BTF3L4: variants seen among roughly 807,000 people sequenced by gnomAD.
The protein encoded by BTF3L4 is transcription factor BTF3 homolog 4.
Under a neutral mutation model 16.8 loss-of-function variants are expected in BTF3L4, and 6 were observed. The ratio of observed to expected loss-of-function variants is 0.36; its 90% confidence interval spans 0.20 to 0.71. The LOEUF (loss-of-function observed/expected upper bound fraction) is 0.71, where lower values mean the gene tolerates loss of function less well. Among genes scored for constraint, BTF3L4 ranks in the 30% least tolerant of loss-of-function variants. The pLI, the probability that BTF3L4 is intolerant of heterozygous loss-of-function variation, is 0.58. For missense variants in BTF3L4, 92 were observed against 186.9 expected (o/e 0.49, Z 2.96); for synonymous variants, 39 against 59.8 (o/e 0.65, Z 1.60).
intron 3 of BTF3L4, among the ~76,000 whole-genome samples, chr1:52,081,385 A>G (rs1373591431): frequency 6.6e-6 from 1 of 152,118 alleles, no homozygotes; most frequent in East Asian, 1.9e-4. Flanking sequence ...TGGCCTCCCA[A>G]AGTGCTAGGA....
intron 4 of BTF3L4, among the ~76,000 whole-genome samples, chr1:52,084,675 A>G (rs1176105607): frequency 6.6e-6 from 1 of 151,836 alleles, no homozygotes; most frequent in African/African-American, 2.4e-5. Flanking sequence ...GCCTGTAGTC[A>G]TAGCTACTCA....
rs1355923291 is a variant in BTF3L4, at chr1:52,080,526, T to G, written c.169-2814T>G. On this transcript the variant is annotated intron_variant, in intron 3 of 5. Transcript: ENST00000313334. ...AAATCTTTGGTTTTTTGGGTTTTTT[T>G]TTTTTTTTTTTTTTTTTTTTTTTTT... Among the ~76,000 whole-genome samples the G allele has an allele frequency of 7.2e-4, 78 of 108,642 alleles. 2 individuals carry two copies. The highest frequency in any genetic ancestry group is 2.6e-3 in the African/African-American group (69 of 26,164). 71.3% of individuals were successfully genotyped at this position (108,642 alleles called of 152,430 possible).
chr1:52,076,362 T>C (rs897783512), intron 3 of BTF3L4, among the ~76,000 whole-genome samples: 2 of 151,846 alleles, frequency 1.3e-5, no homozygotes, highest in Admixed American at 6.6e-5. Flanking sequence ...GATCACGATG[T>C]CAGGAGTTCG....
intron 3 of BTF3L4, among the ~76,000 whole-genome samples, chr1:52,072,141 G>A (rs1360167207): frequency 6.6e-6 from 1 of 150,680 alleles, no homozygotes; most frequent in East Asian, 1.9e-4. Context: ...TGCAAGCTCC[G>A]CCTCCTGTGT....
chr1:52,071,460 A>T (rs1686784625), intron 3 of BTF3L4: 1 of 152,222 alleles, frequency 6.6e-6, no homozygotes. Flanking sequence ...TCAGTAGCTT[A>T]TAAAGAGTCT....
chr1:52,070,294 A>G (rs1344313084), intron 3 of BTF3L4, among the ~76,000 whole-genome samples: 1 of 151,126 alleles, frequency 6.6e-6, no homozygotes, highest in Non-Finnish European at 1.5e-5. Flanking sequence ...TTGGTATAAT[A>G]GTTCATTGGT....
At chr1:52,086,423 C>T (rs1643973475) in intron 5 of BTF3L4, 1 of 486,892 alleles carries the variant, frequency 2.1e-6, no homozygotes, top group African/African-American at 2.0e-5. Context: ...ATTTGCATAG[C>T]TATTGTTATA....
rs1370671585 is a variant in BTF3L4, at chr1:52,088,195, G to T, written c.*1437G>T. ...TAACCTTGCAGCTACCAACTTTTGT[G>T]TCAAGCTAGATATCTTTATTTGATA... is the stretch of plus-strand genomic sequence containing the variant. On this transcript the variant is annotated 3_prime_UTR_variant, in exon 6 of 6. Coordinates refer to ENST00000313334, the MANE Select transcript of BTF3L4 (RefSeq NM_152265.5). 6.6e-6 allele frequency: 1 copy of T among 152,474 alleles called. No homozygotes were observed. 9.4% of individuals were successfully genotyped at this position (152,474 alleles called of 1,614,324 possible). A position where few individuals can be genotyped will look rare whatever the true frequency, so the allele number is the denominator to read the frequency against.
chr1:52,061,594 G>C (rs772374666), intron 2 of BTF3L4, among the ~76,000 whole-genome samples: 15 of 149,232 alleles, frequency 1.0e-4, no homozygotes, highest in Non-Finnish European at 1.6e-4. Context: ...AGATAACACA[G>C]TACTTAATGG....
At chr1:52,083,697 T>C (rs1643944566) in intron 4 of BTF3L4, among the ~76,000 whole-genome samples, 156 bp downstream of exon 4, 1 of 152,178 alleles carries the variant, frequency 6.6e-6, no homozygotes, top group Non-Finnish European at 1.5e-5. Flanking sequence ...TGAGTTTGTT[T>C]AATGATTATG....
intron 2 of BTF3L4, among the ~76,000 whole-genome samples, 166 bp from the exon 3 acceptor site, chr1:52,064,659 C>T (rs1288981813): frequency 1.3e-5 from 2 of 152,152 alleles, no homozygotes; most frequent in Non-Finnish European, 2.9e-5. Context: ...TAGAAATCTG[C>T]GTTAGGCTGA....
intron 3 of BTF3L4, among the ~76,000 whole-genome samples, chr1:52,077,336 G>GT (rs1686959416): frequency 6.6e-6 from 1 of 152,178 alleles, no homozygotes; most frequent in Admixed American, 6.5e-5. Flanking sequence ...GAGGTCAGGA[G>GT]TTTGAGACCA....
intron 5 of BTF3L4, 175 bp from the exon 6 acceptor site, chr1:52,086,537 A>C (rs1365780657): frequency 1.7e-5 from 9 of 530,532 alleles, no homozygotes; most frequent in Non-Finnish European, 2.7e-5. Flanking sequence ...TCCTAAGCAA[A>C]TAATTAAATC....
At chr1:52,064,004 C>T (rs997186161) in intron 2 of BTF3L4, among the ~76,000 whole-genome samples, 3 of 152,250 alleles carry the variant, frequency 2.0e-5, no homozygotes, top group Non-Finnish European at 4.4e-5. Context: ...CTTCCCATTG[C>T]AATCAATAAA....
chr1:52,083,272 C>T, intron 3 of BTF3L4, 68 bp from the exon 4 acceptor site: 1 of 1,391,782 alleles, frequency 7.2e-7, no homozygotes, highest in Non-Finnish European at 1.0e-6. Flanking sequence ...GGCTGAATTG[C>T]TTTTTAAAAA....
chr1:52,083,577 A>G (rs1643943337), intron 4 of BTF3L4, 36 bp downstream of exon 4: 4 of 1,525,272 alleles, frequency 2.6e-6, no homozygotes, highest in African/African-American at 1.4e-5. Context: ...TTCTCTCCCC[A>G]CCTTACTTAA....
At chr1:52,057,502 A>G (rs1686402298) in intron 1 of BTF3L4, among the ~76,000 whole-genome samples, 2 of 152,184 alleles carry the variant, frequency 1.3e-5, no homozygotes, top group African/African-American at 4.8e-5. Context: ...GAGGGAGGGA[A>G]CTGTTTCGTT....
intron 3 of BTF3L4, among the ~76,000 whole-genome samples, chr1:52,068,721 T>C (rs1686712907): frequency 6.6e-6 from 1 of 152,252 alleles, no homozygotes; most frequent in Non-Finnish European, 1.5e-5. Context: ...GAGGTTCACC[T>C]GCCTTATATA....
intron 2 of BTF3L4, among the ~76,000 whole-genome samples, chr1:52,062,720 T>C (rs1304297929): frequency 6.6e-6 from 1 of 152,182 alleles, no homozygotes; most frequent in East Asian, 1.9e-4. Flanking sequence ...AATGGAAGTT[T>C]GGCCTATAGG....
Sources: allele counts gnomAD v4.1 joint callset (sites outside exome capture counted in the v4.1 genomes callset), GRCh38; gene constraint gnomAD v4.1.1; transcripts MANE v1.5; gene names NCBI Gene and HGNC (gene_info 2026-07-23, HGNC 2026-07-21).